MCTP1: variants seen among roughly 807,000 people sequenced by gnomAD.
MCTP1 encodes multiple C2 and transmembrane domain-containing protein 1.
A neutral mutation model predicts 120.6 loss-of-function variants in MCTP1; 69 were observed. That is an observed-to-expected ratio of 0.57 (90% CI 0.47 to 0.70). MCTP1 has a LOEUF of 0.70. Among genes scored for constraint, MCTP1 ranks in the 30% least tolerant of loss-of-function variants. The pLI, the probability that MCTP1 is intolerant of heterozygous loss-of-function variation, is 0.00. For synonymous variants in MCTP1, 529 were observed against 493.1 expected, an observed-to-expected ratio of 1.07 and a Z score of -0.96; for missense variants, 1,203 against 1,248.8, an observed-to-expected ratio of 0.96 and a Z score of 0.55.
intron 1 of MCTP1, among the ~76,000 whole-genome samples, chr5:95,182,277 G>A (rs1029492749): frequency 2.6e-5 from 4 of 152,112 alleles, no homozygotes; most frequent in Non-Finnish European, 5.9e-5. Flanking sequence ...GATATTGAAG[G>A]CACAAAGGAG....
intron 5 of MCTP1, among the ~76,000 whole-genome samples, chr5:94,932,774 T>C (rs1200987629): frequency 1.3e-5 from 2 of 152,000 alleles, no homozygotes; most frequent in African/African-American, 4.8e-5. Flanking sequence ...ACTATTATGT[T>C]TAAGGCAGAT....
intron 2 of MCTP1, among the ~76,000 whole-genome samples, chr5:95,006,858 C>T (rs947562324): frequency 1.3e-5 from 2 of 152,094 alleles, no homozygotes; most frequent in African/African-American, 4.8e-5. Context: ...AACTGGAGCC[C>T]TTTTGAGAGT....
intron 1 of MCTP1, among the ~76,000 whole-genome samples, chr5:95,230,086 G>A (rs1754745840): frequency 6.6e-6 from 1 of 151,878 alleles, no homozygotes; most frequent in Admixed American, 6.6e-5. Flanking sequence ...AAAGAGGAAG[G>A]TACCTTTCTT....
At chr5:95,165,601 G>C (rs1461284790) in intron 1 of MCTP1, among the ~76,000 whole-genome samples, 1 of 152,180 alleles carries the variant, frequency 6.6e-6, no homozygotes, top group Non-Finnish European at 1.5e-5. Context: ...AGAGGATATA[G>C]CTGTCTGCTA....
intron 17 of MCTP1, among the ~76,000 whole-genome samples, chr5:94,808,162 G>A (rs1012411055): frequency 6.6e-6 from 1 of 152,088 alleles, no homozygotes; most frequent in Non-Finnish European, 1.5e-5. Flanking sequence ...CTGGGAAGGA[G>A]GTGGTTTTGC....
chr5:94,872,106 G>A lies in MCTP1; in HGVS notation c.2037-689C>T, dbSNP rs554278522. Among the ~76,000 whole-genome samples the A allele has an allele frequency of 1.9e-4, 29 of 152,144 alleles. No individual in the cohort carries two copies. The South Asian group carries it at 3.7e-3, about 20-fold the overall frequency. Reference sequence around the variant, plus strand: ...TTCTGGAAAATAAGTGCAAATTGTTGACAGCATTTATTCTTTGATCAAACT... The same window carrying A: ...TTCTGGAAAATAAGTGCAAATTGTTAACAGCATTTATTCTTTGATCAAACT... On this transcript the variant is annotated intron_variant, in intron 13 of 22. Coordinates refer to ENST00000515393, the MANE Select transcript of MCTP1 (RefSeq NM_024717.7).
Position 94,891,034 on chromosome 5 carries a change from A to G in MCTP1, c.1840-2062T>C, listed in dbSNP as rs576556330. Among the ~76,000 whole-genome samples, 20 of 152,364 alleles carry G rather than the reference A, an allele frequency of 1.3e-4. No individual in the cohort carries two copies. In the East Asian group the frequency reaches 2.3e-3, roughly 18 times the overall value. ...TGAGAATACTGACAAGCAAAAGCTT[A>G]CTGCAATATGAACTTTATCAGTCCC... On this transcript the variant is annotated intron_variant, in intron 11 of 22. Coordinates refer to ENST00000515393, the MANE Select transcript of MCTP1 (RefSeq NM_024717.7).
At chr5:95,160,494 CAA>C (rs1562193525) in intron 1 of MCTP1, among the ~76,000 whole-genome samples, 1 of 152,104 alleles carries the variant, frequency 6.6e-6, no homozygotes, top group East Asian at 1.9e-4. Context: ...CATTATATAA[CAA>C]GAGACATTAT....
chr5:95,086,828 A>G (rs1413013043), intron 1 of MCTP1, among the ~76,000 whole-genome samples: 1 of 152,238 alleles, frequency 6.6e-6, no homozygotes, highest in Admixed American at 6.5e-5. Context: ...GAATCCTAAC[A>G]AATGGTGCAT....
At chr5:95,224,892 A>C (rs1219070898) in intron 1 of MCTP1, among the ~76,000 whole-genome samples, 2 of 152,152 alleles carry the variant, frequency 1.3e-5, no homozygotes, top group Non-Finnish European at 2.9e-5. Flanking sequence ...AGCAAAGTAC[A>C]AGTCTTTAAC....
intron 18 of MCTP1, among the ~76,000 whole-genome samples, chr5:94,788,347 CA>C (rs1363566230): frequency 1.3e-5 from 2 of 152,130 alleles, no homozygotes; most frequent in Non-Finnish European, 2.9e-5. Flanking sequence ...ATGCTCTTGA[CA>C]AAGGTATCTC....
chr5:95,170,000 G>A (rs964029358), intron 1 of MCTP1, among the ~76,000 whole-genome samples: 5 of 152,182 alleles, frequency 3.3e-5, no homozygotes, highest in Admixed American at 6.5e-5. Context: ...TAATTGTGAT[G>A]TTAGGGTGTC....
chr5:94,909,396 C>T lies in MCTP1; in HGVS notation c.1522-15G>A. The T allele has an allele frequency of 6.4e-7, 1 of 1,567,900 alleles. No homozygotes were observed. On this transcript the variant is annotated splice_polypyrimidine_tract_variant and intron_variant, in intron 9 of 22. Coordinates refer to ENST00000515393, the MANE Select transcript of MCTP1 (RefSeq NM_024717.7). ...TTTGGCATAATCTGGAAAAAAAAAT[C>T]ATAATTGTCATATTGCTAGCAGCTT... is the stretch of plus-strand genomic sequence containing the variant.
At chr5:94,938,653 T>C (rs1024165422) in intron 5 of MCTP1, among the ~76,000 whole-genome samples, 2 of 152,046 alleles carry the variant, frequency 1.3e-5, no homozygotes, top group Non-Finnish European at 2.9e-5. Context: ...ATTCCTGGGT[T>C]CTCCACTGGG....
chr5:94,726,061 A>G (rs1048829514), intron 19 of MCTP1, among the ~76,000 whole-genome samples: 2 of 152,226 alleles, frequency 1.3e-5, no homozygotes, highest in African/African-American at 2.4e-5. Flanking sequence ...ATCATCATAT[A>G]TGATCCTTAC....
At chr5:95,092,379 G>A (rs1356677253) in intron 1 of MCTP1, among the ~76,000 whole-genome samples, 1 of 152,180 alleles carries the variant, frequency 6.6e-6, no homozygotes, top group African/African-American at 2.4e-5. Flanking sequence ...TATAGCCAGA[G>A]GTTAACAGAT....
chr5:94,863,044 T>A (rs951495339), intron 17 of MCTP1, among the ~76,000 whole-genome samples: 2 of 151,866 alleles, frequency 1.3e-5, no homozygotes, highest in Non-Finnish European at 2.9e-5. Context: ...AGAAAATGTT[T>A]AACGTAGCTT....
intron 1 of MCTP1, among the ~76,000 whole-genome samples, chr5:95,070,427 T>C (rs1416714991): frequency 6.6e-6 from 1 of 152,254 alleles, no homozygotes; most frequent in South Asian, 2.1e-4. Flanking sequence ...GATTGGGGGA[T>C]ACCTTTAGGG....
intron 1 of MCTP1, among the ~76,000 whole-genome samples, chr5:95,067,730 A>G (rs980642755): frequency 6.6e-6 from 1 of 152,200 alleles, no homozygotes; most frequent in African/African-American, 2.4e-5. Context: ...TTTGATCTAC[A>G]TATACACTGT....
Sources: gnomAD v4.1 joint callset for allele counts (sites outside exome capture counted in the v4.1 genomes callset) on GRCh38, gnomAD v4.1.1 for gene constraint, MANE v1.5 for transcripts, NCBI Gene and HGNC (gene_info 2026-07-23, HGNC 2026-07-21) for gene names.